USP34: variants seen among roughly 807,000 people sequenced by gnomAD.
USP34 encodes the protein ubiquitin specific peptidase 34, also known as ubiquitin carboxyl-terminal hydrolase 34.
A neutral mutation model predicts 460.3 loss-of-function variants in USP34; 70 were observed. The observed-to-expected ratio is 0.15, with a 90% CI of 0.13 to 0.19. USP34 has a LOEUF of 0.19. USP34 is among the 10% of genes least tolerant of loss of function. The pLI is 1.00. For missense variants in USP34, 3,985 were observed against 4,236.2 expected (o/e 0.94, Z 1.65); for synonymous variants, 1,647 against 1,405.3 (o/e 1.17, Z -3.85).
intron 5 of USP34, among the ~76,000 whole-genome samples, chr2:61,388,158 G>C (rs778668859): frequency 6.6e-6 from 1 of 151,862 alleles, no homozygotes; most frequent in Non-Finnish European, 1.5e-5. Context: ...TGGGAAGATC[G>C]CCTGAGCCCA....
intron 1 of USP34, among the ~76,000 whole-genome samples, chr2:61,429,730 A>G (rs747773457): frequency 1.1e-4 from 17 of 152,352 alleles, no homozygotes; most frequent in Middle Eastern, 3.4e-3. Context: ...ACCGTATGCT[A>G]AGTAAAAAGA....
At chr2:61,241,880 TA>T in intron 51 of USP34, 61 bp from the exon 52 acceptor site, 1 of 858,974 alleles carries the variant, frequency 1.2e-6, no homozygotes, top group East Asian at 3.1e-5. Context: ...GCTATATTTA[TA>T]TATAAATTAT....
chr2:61,262,721 A>G (rs1006864548), intron 43 of USP34, among the ~76,000 whole-genome samples: 1 of 152,228 alleles, frequency 6.6e-6, no homozygotes. Context: ...GCTGAGCCGA[A>G]TAGTAATTCT....
intron 1 of USP34, among the ~76,000 whole-genome samples, chr2:61,433,172 A>G (rs1240982942): frequency 6.6e-6 from 1 of 152,172 alleles, no homozygotes; most frequent in African/African-American, 2.4e-5. Context: ...TGTTGGTGAC[A>G]AAGTCCAGGA....
At chr2:61,290,398 A>C (rs918359898) in intron 33 of USP34, among the ~76,000 whole-genome samples, 1 of 152,170 alleles carries the variant, frequency 6.6e-6, no homozygotes, top group Non-Finnish European at 1.5e-5. Context: ...ATGTTTACAG[A>C]AACTTTATTT....
chr2:61,344,256 C>T (rs1446474426), intron 15 of USP34, among the ~76,000 whole-genome samples: 1 of 152,116 alleles, frequency 6.6e-6, no homozygotes, highest in East Asian at 1.9e-4. Context: ...TATTAAGACA[C>T]CTCATTAAAA....
intron 5 of USP34, among the ~76,000 whole-genome samples, chr2:61,390,409 G>T (rs1429843081): frequency 2.0e-5 from 3 of 152,186 alleles, no homozygotes; most frequent in African/African-American, 7.2e-5. Flanking sequence ...ATTTCTCTAA[G>T]CTGTGTTAAA....
At chr2:61,285,932 T>C (rs958170635) in intron 34 of USP34, among the ~76,000 whole-genome samples, 14 of 152,282 alleles carry the variant, frequency 9.2e-5, no homozygotes, top group Non-Finnish European at 1.8e-4. Flanking sequence ...ATTCTGCAGG[T>C]TGGAAGGCAT....
intron 2 of USP34, among the ~76,000 whole-genome samples, chr2:61,415,122 G>A (rs1285767957): frequency 4.6e-5 from 7 of 152,228 alleles, no homozygotes; most frequent in South Asian, 2.1e-4. Flanking sequence ...GGAAGTCAGC[G>A]TGAATTGGCC....
At chr2:61,239,260 T>C (rs943198372) in intron 53 of USP34, among the ~76,000 whole-genome samples, 4 of 147,896 alleles carry the variant, frequency 2.7e-5, no homozygotes, top group Non-Finnish European at 4.4e-5. Flanking sequence ...AATCAAAAGC[T>C]AGAAATGATT....
At chr2:61,370,824 G>A (rs891639748) in intron 8 of USP34, among the ~76,000 whole-genome samples, 1 of 152,134 alleles carries the variant, frequency 6.6e-6, no homozygotes, top group Admixed American at 6.6e-5. Context: ...TTAACACCAA[G>A]TACACAAGTG....
intron 1 of USP34, among the ~76,000 whole-genome samples, chr2:61,453,611 G>C (rs1695346951): frequency 6.7e-6 from 1 of 150,258 alleles, no homozygotes; most frequent in South Asian, 2.1e-4. Context: ...TCAGGAGGCT[G>C]AGGCAGGAGA....
intron 37 of USP34, 35 bp downstream of exon 37, chr2:61,283,110 A>T: frequency 6.3e-7 from 1 of 1,598,862 alleles, no homozygotes; most frequent in Non-Finnish European, 8.5e-7. Context: ...AAACATACAA[A>T]AAATAACAGT....
At chr2:61,321,581 A>C (rs1052074347) in intron 21 of USP34, among the ~76,000 whole-genome samples, 1 of 152,230 alleles carries the variant, frequency 6.6e-6, no homozygotes, top group Non-Finnish European at 1.5e-5. Flanking sequence ...AATGTACCAG[A>C]AACACCAATA....
At chr2:61,313,908 T>TA (rs1690668996) in intron 25 of USP34, among the ~76,000 whole-genome samples, 1 of 152,126 alleles carries the variant, frequency 6.6e-6, no homozygotes. Flanking sequence ...AAAAAGTTAC[T>TA]AACTTTAACA....
At chr2:61,350,537 A>G in intron 11 of USP34, 31 bp downstream of exon 11, 3 of 1,574,206 alleles carry the variant, frequency 1.9e-6, no homozygotes, top group Middle Eastern at 3.4e-4. Context: ...CACGGGAAAA[A>G]AAAAAAACTA....
chr2:61,407,936 G>A (rs968353469), intron 2 of USP34, among the ~76,000 whole-genome samples: 4 of 152,056 alleles, frequency 2.6e-5, no homozygotes, highest in Admixed American at 6.6e-5. Context: ...TCAACATGGT[G>A]AAACCCCATC....
At chr2:61,229,724 AT>A in intron 58 of USP34, 91 bp from the exon 59 acceptor site, 1 of 1,114,008 alleles carries the variant, frequency 9.0e-7, no homozygotes, top group Non-Finnish European at 1.3e-6. Flanking sequence ...TCTGCCACCC[AT>A]TTATAGTTTG....
At chr2:61,265,686 T>C (rs1352875435) in intron 42 of USP34, 129 bp from the exon 43 acceptor site, 2 of 820,730 alleles carry the variant, frequency 2.4e-6, no homozygotes, top group Non-Finnish European at 3.3e-6. Flanking sequence ...TATATAGAAT[T>C]TTTTAAATAA....
Sources: gnomAD v4.1 joint callset for allele counts (sites outside exome capture counted in the v4.1 genomes callset) on GRCh38, gnomAD v4.1.1 for gene constraint, MANE v1.5 for transcripts, NCBI Gene and HGNC (gene_info 2026-07-23, HGNC 2026-07-21) for gene names.